ST6GALNAC3: variants seen among roughly 807,000 people sequenced by gnomAD.
ST6GALNAC3 encodes ST6 N-acetylgalactosaminide alpha-2,6-sialyltransferase 3, also known as alpha-N-acetylgalactosaminide alpha-2,6-sialyltransferase 3.
Under a neutral mutation model 32.7 loss-of-function variants are expected in ST6GALNAC3, and 25 were observed. The observed-to-expected ratio is 0.76, with a 90% confidence interval of 0.56 to 1.07. ST6GALNAC3 has a LOEUF of 1.07. ST6GALNAC3 is among the 50% of genes least tolerant of loss of function. The probability of loss-of-function intolerance (pLI) is 0.00; values close to 1 mark genes in which losing one functional copy is unlikely to be tolerated. For synonymous variants in ST6GALNAC3, 129 were observed against 133.1 expected (o/e 0.97, Z 0.21); for missense variants, 355 against 382.4 (o/e 0.93, Z 0.60).
At chr1:76,209,795 C>A (rs1655036260) in intron 1 of ST6GALNAC3, among the ~76,000 whole-genome samples, 1 of 152,212 alleles carries the variant, frequency 6.6e-6, no homozygotes. Context: ...AGCTACAGGT[C>A]TGATTTCAGC....
chr1:76,113,788 C>G (rs542939190), intron 1 of ST6GALNAC3, among the ~76,000 whole-genome samples: 79 of 151,936 alleles, frequency 5.2e-4, no homozygotes, highest in African/African-American at 1.8e-3. Flanking sequence ...ACAAGTAACT[C>G]CTTTGTTTGT....
intron 3 of ST6GALNAC3, among the ~76,000 whole-genome samples, chr1:76,552,607 C>T (rs1280228663): frequency 1.3e-5 from 2 of 152,184 alleles, no homozygotes; most frequent in Non-Finnish European, 2.9e-5. Flanking sequence ...ATCTGGCCAC[C>T]TTGCTGAACA....
chr1:76,596,681 AG>A (rs1409027280), intron 3 of ST6GALNAC3, among the ~76,000 whole-genome samples: 1 of 152,182 alleles, frequency 6.6e-6, no homozygotes, highest in Non-Finnish European at 1.5e-5. Context: ...GTGAATGGCT[AG>A]TTCTGTTAAG....
chr1:76,406,903 C>G (rs1653873962), intron 2 of ST6GALNAC3, among the ~76,000 whole-genome samples: 1 of 151,826 alleles, frequency 6.6e-6, no homozygotes, highest in African/African-American at 2.4e-5. Context: ...AAAAATCTGC[C>G]ATGAAAATTA....
chr1:76,531,988 C>A, intron 3 of ST6GALNAC3, among the ~76,000 whole-genome samples: 1 of 152,180 alleles, frequency 6.6e-6, no homozygotes. Context: ...CAGTAACAGA[C>A]TGGAACAATG....
At chr1:76,460,804 A>G (rs1245254872) in intron 3 of ST6GALNAC3, among the ~76,000 whole-genome samples, 1 of 152,224 alleles carries the variant, frequency 6.6e-6, no homozygotes, top group Non-Finnish European at 1.5e-5. Context: ...TTTTCTTCAC[A>G]TTCTCTTCCA....
At chr1:76,361,725 TC>T (rs546058315) in intron 2 of ST6GALNAC3, among the ~76,000 whole-genome samples, 5 of 152,158 alleles carry the variant, frequency 3.3e-5, no homozygotes, top group Non-Finnish European at 7.4e-5. Context: ...ATGCCTGTAA[TC>T]CCAGCACTTT....
chr1:76,351,071 C>A (rs1485116570), intron 2 of ST6GALNAC3, among the ~76,000 whole-genome samples: 1 of 152,116 alleles, frequency 6.6e-6, no homozygotes, highest in Non-Finnish European at 1.5e-5. Context: ...TCAGCTTTCA[C>A]TGAGAGATTA....
intron 3 of ST6GALNAC3, among the ~76,000 whole-genome samples, chr1:76,549,428 T>C (rs172714): frequency 0.2 from 29,614 of 151,304 alleles, 2,951 homozygotes; most frequent in South Asian, 0.24. Flanking sequence ...TTTCAAGCTG[T>C]TATATAAATA....
chr1:76,424,559 A>G (rs763589865), intron 3 of ST6GALNAC3, among the ~76,000 whole-genome samples: 11 of 151,964 alleles, frequency 7.2e-5, no homozygotes, highest in Non-Finnish European at 1.3e-4. Flanking sequence ...CCCATTATTT[A>G]TAAGTATGAC....
chr1:76,459,854 T>C (rs180938786), intron 3 of ST6GALNAC3, among the ~76,000 whole-genome samples: 210 of 152,354 alleles, frequency 1.4e-3, no homozygotes, highest in Non-Finnish European at 2.3e-3. Flanking sequence ...AATATTCCAT[T>C]GTATGGATAT....
At position 76,096,375 on chromosome 1, in the gene ST6GALNAC3, C is replaced by A. The variant is rs149093894; in HGVS notation, c.18+21491C>A. On this transcript the variant is annotated intron_variant, in intron 1 of 4. Coordinates refer to ENST00000328299, the MANE Select transcript of ST6GALNAC3 (RefSeq NM_152996.4). ...TTCCTGTCTTTTCAGCAGCTTATTG[C>A]ATTTGTTTTACTGCTTTGAAGGATT... Among the ~76,000 whole-genome samples the A allele has an allele frequency of 3.8e-3, 573 of 152,104 alleles. 6 individuals carry two copies. The highest frequency in any genetic ancestry group is 0.013 in the African/African-American group (556 of 41,506).
chr1:76,149,862 G>A (rs1314352773), intron 1 of ST6GALNAC3, among the ~76,000 whole-genome samples: 1 of 152,186 alleles, frequency 6.6e-6, no homozygotes, highest in African/African-American at 2.4e-5. Context: ...GGATTGCTGG[G>A]TCATAATGCC....
chr1:76,187,140 T>C (rs1653605191), intron 1 of ST6GALNAC3, among the ~76,000 whole-genome samples: 1 of 152,238 alleles, frequency 6.6e-6, no homozygotes, highest in Admixed American at 6.5e-5. Context: ...TCTTAATGTG[T>C]TGGATGCTTT....
At chr1:76,209,225 G>A (rs1359064005) in intron 1 of ST6GALNAC3, among the ~76,000 whole-genome samples, 4 of 152,156 alleles carry the variant, frequency 2.6e-5, no homozygotes, top group Non-Finnish European at 4.4e-5. Flanking sequence ...GCTTCTACCC[G>A]GAGTCCATTG....
At chr1:76,302,224 A>T (rs1170894896) in intron 1 of ST6GALNAC3, among the ~76,000 whole-genome samples, 1 of 152,094 alleles carries the variant, frequency 6.6e-6, no homozygotes, top group Non-Finnish European at 1.5e-5. Context: ...GAGGATTGGC[A>T]TTATTTCACA....
intron 2 of ST6GALNAC3, among the ~76,000 whole-genome samples, chr1:76,394,082 T>C (rs1020411367): frequency 2.0e-5 from 3 of 152,152 alleles, no homozygotes; most frequent in Non-Finnish European, 1.5e-5. Context: ...GAATTTTACC[T>C]CAAGTTACTA....
At chr1:76,293,946 T>C (rs181177495) in intron 1 of ST6GALNAC3, among the ~76,000 whole-genome samples, 255 of 152,254 alleles carry the variant, frequency 1.7e-3, no homozygotes, top group Non-Finnish European at 2.6e-3. Flanking sequence ...TCTTTACTGG[T>C]CAATGAAAAC....
intron 2 of ST6GALNAC3, among the ~76,000 whole-genome samples, chr1:76,338,835 A>T (rs925469732): frequency 6.6e-6 from 1 of 152,054 alleles, no homozygotes; most frequent in Admixed American, 6.6e-5. Context: ...CTCTTTGTTG[A>T]CAAATAAAGA....
Sources: gnomAD v4.1 joint callset for allele counts (sites outside exome capture counted in the v4.1 genomes callset) on GRCh38, gnomAD v4.1.1 for gene constraint, MANE v1.5 for transcripts, NCBI Gene and HGNC (gene_info 2026-07-23, HGNC 2026-07-21) for gene names.